The following PTPRD variants were observed in gnomAD, a reference collection of about 807,000 sequenced individuals.
The protein encoded by PTPRD is protein tyrosine phosphatase receptor type D.
In PTPRD, 34 loss-of-function variants were observed where a neutral mutation model predicts 214.5. The observed-to-expected ratio is 0.16, with a 90% CI of 0.12 to 0.21. The LOEUF is 0.21. Ranked by LOEUF, PTPRD falls within the 10% of genes least tolerant of loss-of-function variation. The pLI is 1.00. For missense variants in PTPRD, 2,545 were observed against 2,398.7 expected (o/e 1.06, Z -1.27); for synonymous variants, 1,128 against 845.7 (o/e 1.33, Z -5.79).
intron 8 of PTPRD, among the ~76,000 whole-genome samples, chr9:9,474,341 G>A (rs780652806): frequency 1.3e-4 from 19 of 151,994 alleles, no homozygotes; most frequent in Non-Finnish European, 2.1e-4. Context: ...ATATCATGCC[G>A]TATTGATTAT....
chr9:8,701,207 GA>G (rs200520592), intron 12 of PTPRD, among the ~76,000 whole-genome samples: 6 of 151,768 alleles, frequency 4.0e-5, no homozygotes, highest in Non-Finnish European at 7.4e-5. Flanking sequence ...AATTCAGGGG[GA>G]AAAAAAATAA....
At chr9:8,584,301 T>C (rs2093450791) in intron 14 of PTPRD, among the ~76,000 whole-genome samples, 1 of 152,250 alleles carries the variant, frequency 6.6e-6, no homozygotes, top group African/African-American at 2.4e-5. Flanking sequence ...GAAATCCCTA[T>C]CTATAAATAC....
At position 8,652,534 on chromosome 9, in the gene PTPRD, C is replaced by T. The variant is rs577158953; in HGVS notation, c.65-15690G>A. Among the ~76,000 whole-genome samples the T allele has an allele frequency of 1.1e-3, 160 of 152,354 alleles. 1 individual carries two copies. The highest frequency in any genetic ancestry group is 3.3e-3 in the African/African-American group (137 of 41,580). On this transcript the variant is annotated intron_variant, in intron 12 of 45. Transcript: ENST00000381196. ...TGCTGTAGCAATGCTTTTCATCCAA[C>T]AGAGCTGCACTGACCAGGTTATGCT...
chr9:10,150,443 T>G (rs1046427161), intron 3 of PTPRD, among the ~76,000 whole-genome samples: 2 of 151,740 alleles, frequency 1.3e-5, no homozygotes, highest in South Asian at 2.1e-4. Context: ...TTCTCACTCA[T>G]AGGTGGGAAT....
chr9:9,639,108 A>G (rs900159189), intron 7 of PTPRD, among the ~76,000 whole-genome samples: 8 of 152,208 alleles, frequency 5.3e-5, no homozygotes, highest in Non-Finnish European at 8.8e-5. Context: ...AATCCTTTCC[A>G]ACATCTGTAT....
At chr9:8,940,454 T>C (rs1459462607) in intron 11 of PTPRD, among the ~76,000 whole-genome samples, 2 of 134,868 alleles carry the variant, frequency 1.5e-5, no homozygotes, top group African/African-American at 5.4e-5. Flanking sequence ...AGCTTTTTTT[T>C]TTTTTTTTTG....
At chr9:10,151,058 A>ATT (rs2099057277) in intron 3 of PTPRD, among the ~76,000 whole-genome samples, 1 of 106,398 alleles carries the variant, frequency 9.4e-6, no homozygotes, top group African/African-American at 3.6e-5. Flanking sequence ...TTTTTTGTTA[A>ATT]CTTTTTTTTT....
chr9:9,091,358 T>C (rs901385976), intron 10 of PTPRD: 1 of 709,602 alleles, frequency 1.4e-6, no homozygotes, highest in Non-Finnish European at 2.5e-6. Flanking sequence ...TCTGGAACTG[T>C]ACATTTCTGT....
At chr9:9,743,423 C>T (rs1337156275) in intron 6 of PTPRD, among the ~76,000 whole-genome samples, 3 of 152,036 alleles carry the variant, frequency 2.0e-5, no homozygotes, top group Non-Finnish European at 2.9e-5. Context: ...TTACCTAGCT[C>T]AGGAATGTTA....
intron 6 of PTPRD, among the ~76,000 whole-genome samples, chr9:9,746,338 T>C (rs371964976): frequency 9.2e-5 from 14 of 152,052 alleles, no homozygotes; most frequent in African/African-American, 3.4e-4. Context: ...CCAATAAATA[T>C]AACCAAAGAA....
chr9:10,412,321 G>A lies in PTPRD; in HGVS notation c.-599-71304C>T, dbSNP rs2098444324. ...ACAAAATAGAAAACCTAGAAAAGAT[G>A]GACAAATTCCTGGACACACTCACCC... On this transcript the variant is annotated intron_variant, in intron 2 of 45. Coordinates refer to ENST00000381196, the MANE Select transcript of PTPRD (RefSeq NM_002839.4). Among the ~76,000 whole-genome samples, 6 of 151,664 alleles carry A rather than the reference G, an allele frequency of 4.0e-5. No homozygotes were observed. In the South Asian group the frequency reaches 1.0e-3, roughly 26 times the overall value.
intron 11 of PTPRD, among the ~76,000 whole-genome samples, chr9:8,776,764 G>T (rs1376931731): frequency 7.5e-5 from 11 of 146,698 alleles, no homozygotes; most frequent in Non-Finnish European, 1.0e-4. Flanking sequence ...TTTTTTTTTT[G>T]AAGTCCTACC....
rs145624386 is a variant in PTPRD, at chr9:9,860,358, T to C, written c.-368+78149A>G. ...TTGAACTATGTTTGGAGGAATTCTGTTTCTTTCTTGAAGAAATGTTTGGTT... is the reference window on the plus strand; with the variant it reads ...TTGAACTATGTTTGGAGGAATTCTGCTTCTTTCTTGAAGAAATGTTTGGTT... On this transcript the variant is annotated intron_variant, in intron 5 of 45. Transcript: ENST00000381196. Among the ~76,000 whole-genome samples, 426 of 152,358 alleles carry C rather than the reference T, an allele frequency of 2.8e-3. 3 individuals carry two copies. The highest frequency in any genetic ancestry group is 0.014 in the Middle Eastern group (4 of 294).
At chr9:9,437,879 T>G (rs986620225) in intron 8 of PTPRD, among the ~76,000 whole-genome samples, 1 of 152,204 alleles carries the variant, frequency 6.6e-6, no homozygotes, top group African/African-American at 2.4e-5. Context: ...TTCTGCTTCT[T>G]ATAGTGCTGT....
intron 2 of PTPRD, among the ~76,000 whole-genome samples, chr9:10,393,889 A>C (rs2098119423): frequency 6.7e-6 from 1 of 148,522 alleles, no homozygotes; most frequent in South Asian, 2.1e-4. Flanking sequence ...CGAGTGACTA[A>C]ATCCATATTG....
intron 2 of PTPRD, among the ~76,000 whole-genome samples, chr9:10,377,675 C>G (rs113614757): frequency 6.6e-6 from 1 of 151,680 alleles, no homozygotes; most frequent in Non-Finnish European, 1.5e-5. Flanking sequence ...CCAAGAATGG[C>G]GATCATTAAA....
chr9:10,536,070 G>T (rs1047597876), intron 2 of PTPRD, among the ~76,000 whole-genome samples: 2 of 152,124 alleles, frequency 1.3e-5, no homozygotes, highest in African/African-American at 4.8e-5. Flanking sequence ...TTGTGAGTGA[G>T]CGGGTGTCGT....
chr9:10,165,259 A>G (rs569371974), intron 3 of PTPRD, among the ~76,000 whole-genome samples: 1 of 151,688 alleles, frequency 6.6e-6, no homozygotes, highest in Non-Finnish European at 1.5e-5. Flanking sequence ...TACATCTAAC[A>G]TTTGATTTTT....
intron 10 of PTPRD, among the ~76,000 whole-genome samples, chr9:9,068,800 T>C (rs80054775): frequency 2.6e-5 from 4 of 152,006 alleles, no homozygotes; most frequent in South Asian, 2.1e-4. Context: ...TTAGCAGAGA[T>C]GGGGTTTCAC....
Sources: allele counts gnomAD v4.1 joint callset (sites outside exome capture counted in the v4.1 genomes callset), GRCh38; gene constraint gnomAD v4.1.1; transcripts MANE v1.5; gene names NCBI Gene and HGNC (gene_info 2026-07-23, HGNC 2026-07-21).